BCL2L13: variants seen among roughly 807,000 people sequenced by gnomAD.
The protein encoded by BCL2L13 is BCL2 like 13, also known as bcl-2-like protein 13.
In BCL2L13, 13 loss-of-function variants were observed where a neutral mutation model predicts 25.8. The observed-to-expected ratio is 0.50, with a 90% confidence interval of 0.33 to 0.80. BCL2L13 has a LOEUF of 0.80. Among genes scored for constraint, BCL2L13 ranks in the 30% least tolerant of loss-of-function variants. The probability of loss-of-function intolerance (pLI) is 0.02; values close to 1 mark genes in which losing one functional copy is unlikely to be tolerated. For missense variants in BCL2L13, 504 were observed against 574.9 expected (o/e 0.88, Z 1.26); for synonymous variants, 244 against 230.3 (o/e 1.06, Z -0.54).
At chr22:17,720,054 T>A (rs2061068922) in intron 6 of BCL2L13, among the ~76,000 whole-genome samples, 1 of 152,008 alleles carries the variant, frequency 6.6e-6, no homozygotes, top group Non-Finnish European at 1.5e-5. Context: ...GGGTGTCTTT[T>A]TGGGATGATG....
chr22:17,676,322 G>A (rs895697503), intron 2 of BCL2L13, among the ~76,000 whole-genome samples: 5 of 151,956 alleles, frequency 3.3e-5, no homozygotes, highest in African/African-American at 1.2e-4. Flanking sequence ...AAATAGGCAG[G>A]TGTGGTGGCA....
intron 3 of BCL2L13, chr22:17,684,671 C>T (rs143776125): frequency 4.9e-4 from 221 of 452,468 alleles, no homozygotes; most frequent in African/African-American, 4.0e-3. Flanking sequence ...TCAAATGATT[C>T]TCCTGTCTCA....
chr22:17,635,162 T>C (rs991994150), upstream of BCL2L13, among the ~76,000 whole-genome samples: 1 of 150,820 alleles, frequency 6.6e-6, no homozygotes, highest in Non-Finnish European at 1.5e-5. Flanking sequence ...CCAAGGCAGG[T>C]GGATCACTTG....
chr22:17,677,588 A>T (rs1405609931), intron 2 of BCL2L13, among the ~76,000 whole-genome samples: 2 of 152,146 alleles, frequency 1.3e-5, no homozygotes, highest in Non-Finnish European at 2.9e-5. Context: ...GAAAAACCCC[A>T]CACAGCTGGG....
chr22:17,680,181 C>T (rs1476095701), intron 2 of BCL2L13, among the ~76,000 whole-genome samples: 1 of 124,108 alleles, frequency 8.1e-6, no homozygotes, highest in Non-Finnish European at 1.6e-5. Context: ...TGCTATTGCA[C>T]TCCAGCCTGG....
In BCL2L13 at chr22:17,661,379, C is replaced by T. The variant is rs1386946775; in HGVS notation, c.121+5547C>T. ...GTGCTGGGATTACAGGTGTGAGCCA[C>T]CGTGCCTGGCCAACATTTTATTTTT... is the stretch of plus-strand genomic sequence containing the variant. On this transcript the variant is annotated intron_variant, in intron 2 of 6. Coordinates refer to ENST00000317582, the MANE Select transcript of BCL2L13 (RefSeq NM_015367.4). Among the ~76,000 whole-genome samples, 3 of 145,940 alleles carry T rather than the reference C, an allele frequency of 2.1e-5. 1 individual carries two copies. The highest frequency in any genetic ancestry group is 4.7e-5 in the Non-Finnish European group (3 of 64,244).
chr22:17,693,333 GTTTATTTATTTA>G (rs372912650), intron 4 of BCL2L13, among the ~76,000 whole-genome samples: 18,765 of 131,982 alleles, frequency 0.14, 1,905 homozygotes, highest in Non-Finnish European at 0.2. Context: ...CTTTGGGGTA[GTTTATTTATTTA>G]TTTATTTATT....
At chr22:17,650,268 G>A (rs2058639221) in intron 1 of BCL2L13, among the ~76,000 whole-genome samples, 1 of 152,172 alleles carries the variant, frequency 6.6e-6, no homozygotes, top group African/African-American at 2.4e-5. Context: ...TGTGATTACA[G>A]TCTTTCCTGG....
chr22:17,681,977 T>TA (rs2059770233), intron 2 of BCL2L13, among the ~76,000 whole-genome samples: 1 of 152,166 alleles, frequency 6.6e-6, no homozygotes, highest in Non-Finnish European at 1.5e-5. Flanking sequence ...CATACATACG[T>TA]ACGTACATGT....
intron 1 of BCL2L13, among the ~76,000 whole-genome samples, chr22:17,644,646 T>C (rs896069832): frequency 6.6e-6 from 1 of 151,302 alleles, no homozygotes; most frequent in African/African-American, 2.5e-5. Flanking sequence ...AATAATCTTA[T>C]AATATTTTAG....
chr22:17,651,409 G>A lies in BCL2L13; in HGVS notation c.-50-4253G>A, dbSNP rs552230205. The stretch of plus-strand genomic sequence containing the variant: ...TATTTATTTATTTATTTGAGACGGA[G>A]TCTTACTCTGTTGCCCAGGCTGGAG... On this transcript the variant is annotated intron_variant, in intron 1 of 6. Coordinates refer to ENST00000317582, the MANE Select transcript of BCL2L13 (RefSeq NM_015367.4). Among the ~76,000 whole-genome samples, 58 of 150,432 alleles carry A rather than the reference G, an allele frequency of 3.9e-4. 1 individual carries two copies. Among genetic ancestry groups the A allele is most frequent in the Non-Finnish European group, 2.4e-4 (16 of 67,700 alleles).
intron 6 of BCL2L13, among the ~76,000 whole-genome samples, chr22:17,713,250 G>C (rs1024283658): frequency 6.6e-6 from 1 of 152,078 alleles, no homozygotes; most frequent in African/African-American, 2.4e-5. Context: ...ATAAGAATGT[G>C]ACTATGAATT....
chr22:17,665,114 A>G (rs2059195758), intron 2 of BCL2L13, among the ~76,000 whole-genome samples: 1 of 152,106 alleles, frequency 6.6e-6, no homozygotes, highest in African/African-American at 2.4e-5. Flanking sequence ...TCAAACTTTT[A>G]TGCTTTGCTT....
At chr22:17,676,454 C>T (rs542846717) in intron 2 of BCL2L13, among the ~76,000 whole-genome samples, 1 of 152,196 alleles carries the variant, frequency 6.6e-6, no homozygotes, top group East Asian at 1.9e-4. Flanking sequence ...CAGAGCGAGA[C>T]TCTGTCTCAA....
chr22:17,649,114 T>C (rs961201013), intron 1 of BCL2L13, among the ~76,000 whole-genome samples: 1 of 151,722 alleles, frequency 6.6e-6, no homozygotes, highest in African/African-American at 2.4e-5. Flanking sequence ...TTTTTTTTTT[T>C]TGGGAGACGG....
Position 17,632,703 on chromosome 22 carries a change from G to A in BCL2L13, c.-650+3698G>A, listed in dbSNP as rs58736951. On this transcript the variant is annotated intron_variant, in intron 1 of 6. Coordinates refer to the BCL2L13 transcript ENST00000399782. ...GGATGTAGCACTGTCTAGATCAACC[G>A]TGCTTTTGTTTTTTGGAAAACAGTG... is the stretch of plus-strand genomic sequence containing the variant. Among the ~76,000 whole-genome samples the A allele has an allele frequency of 6.6e-5, 10 of 151,398 alleles. No individual in the cohort carries two copies. In the South Asian group the frequency reaches 8.3e-4, roughly 13 times the overall value.
At chr22:17,686,685 A>G (rs1301871886) in intron 3 of BCL2L13, among the ~76,000 whole-genome samples, 1 of 151,376 alleles carries the variant, frequency 6.6e-6, no homozygotes, top group Non-Finnish European at 1.5e-5. Flanking sequence ...TAATTTTTGT[A>G]TTTTTAGTAG....
chr22:17,683,124 C>A, intron 2 of BCL2L13, 90 bp from the exon 3 acceptor site: 3 of 704,252 alleles, frequency 4.3e-6, no homozygotes, highest in Non-Finnish European at 7.2e-6. Flanking sequence ...CAGTGCGAGA[C>A]TCCGTCTCAA....
Position 17,726,793 on chromosome 22 carries a change from G to C in BCL2L13, c.717G>C (p.Glu239Asp). Residue 239 changes from glutamate (E) to aspartate (D), a missense_variant, in exon 7 of 7, where the codon GAG becomes GAC. Glu to Asp is a conservative substitution (Grantham distance 45). Coordinates refer to ENST00000317582, the MANE Select transcript of BCL2L13 (RefSeq NM_015367.4). ...SDNSGQVSPP[E>D]SPTVTTSWQS... ...ACTCTGGACAAGTCAGTCCCCCAGA[G>C]TCTCCAACTGTGACCACTTCCTGGC... The C allele has an allele frequency of 1.2e-6, 2 of 1,614,202 alleles. No individual in the cohort carries two copies. The highest frequency in any genetic ancestry group is 2.2e-5 in the South Asian group (2 of 91,082).
Sources: gnomAD v4.1 joint callset for allele counts (sites outside exome capture counted in the v4.1 genomes callset) on GRCh38, gnomAD v4.1.1 for gene constraint, MANE v1.5 for transcripts, NCBI Gene and HGNC (gene_info 2026-07-23, HGNC 2026-07-21) for gene names.